Variants in C21orf58 observed in about 807,000 individuals in gnomAD.
C21orf58 encodes uncharacterized protein C21orf58.
C21orf58 carries 34 observed loss-of-function variants against 35.8 expected under a neutral mutation model. The observed-to-expected ratio is 0.95, with a 90% CI of 0.72 to 1.26. The LOEUF is 1.26. C21orf58 is among the 50% of genes most tolerant of loss of function. The pLI, the probability that C21orf58 is intolerant of heterozygous loss-of-function variation, is 0.00. For synonymous variants in C21orf58, 191 were observed against 175.8 expected (o/e 1.09, Z -0.68); for missense variants, 440 against 414.3 (o/e 1.06, Z -0.54).
chr21:46,310,436 G>A (rs545453059), intron 6 of C21orf58, among the ~76,000 whole-genome samples: 93 of 151,104 alleles, frequency 6.2e-4, no homozygotes, highest in African/African-American at 2.0e-3. Context: ...CCAAGATGGC[G>A]CCATTGCACT....
chr21:46,321,837 T>C lies in C21orf58; in HGVS notation c.100+802A>G, dbSNP rs114261804. 7.7e-3 allele frequency among the ~76,000 whole-genome samples: 1,163 copies of C among 151,870 alleles called. 15 individuals are homozygous for C. The highest frequency in any genetic ancestry group is 0.027 in the African/African-American group (1,109 of 41,408). ...GGAAGTGGCTATGTGTGGTCTACAC[T>C]TAAGGAGAGGGGAGTTACGTTTCCC... On this transcript the variant is annotated intron_variant, in intron 1 of 7. Transcript: ENST00000291691.
Position 46,323,864 on chromosome 21 carries a change from A to G in C21orf58, c.-1126T>C. ...CGCCCGCGCGGGACCAGCAGCGCGA[A>G]CTTTTTGCCGCTCGGCCAGCCTGGC... On this transcript the variant is annotated 5_prime_UTR_variant, in exon 1 of 8. Transcript: ENST00000291691. The G allele has an allele frequency of 2.7e-6, 1 of 371,804 alleles. No individual in the cohort carries two copies. The highest frequency in any genetic ancestry group is 5.1e-6 in the Non-Finnish European group (1 of 196,018). 23.0% of individuals were successfully genotyped at this position (371,804 alleles called of 1,614,324 possible).
At chr21:46,312,058 A>ACCACCCACCCATCCAT (rs1176341932) in intron 5 of C21orf58, among the ~76,000 whole-genome samples, 1 of 115,006 alleles carries the variant, frequency 8.7e-6, no homozygotes, top group African/African-American at 3.3e-5. Flanking sequence ...CAACCAACCA[A>ACCACCCACCCATCCAT]CCACCCACCC....
At position 46,318,292 on chromosome 21, in the gene C21orf58, G is replaced by C. The variant is rs144398671; in HGVS notation, c.101-72C>G. On this transcript the variant is annotated intron_variant, in intron 1 of 7. Transcript: ENST00000291691. ...GGACTGCAGTGCCCCAGAAGCCAGCGCTGGGCGCCGCGTGACAGTTGCCAG... is the reference window on the plus strand; with the variant it reads ...GGACTGCAGTGCCCCAGAAGCCAGCCCTGGGCGCCGCGTGACAGTTGCCAG... The C allele has an allele frequency of 1.9e-6, 3 of 1,581,812 alleles. No individual in the cohort carries two copies. The African/African-American group carries it at 4.0e-5, about 21-fold the overall frequency.
Position 46,318,058 on chromosome 21 carries a change from G to C in C21orf58, c.263C>G (p.Ser88Ter). The change falls in exon 2 of 8, where the codon TCA becomes TGA. Residue 88 changes from serine (S) to a stop codon, truncating the protein, a stop_gained. Transcript: ENST00000291691. LOFTEE classifies it high-confidence loss of function. ...SPAAPTMLDSSAAEQVTRLTL... is the reference protein window; with the variant it reads ...SPAAPTMLDS Reference sequence around the variant, plus strand: ...CAGTCGGGTCACTTGCTCTGCTGCTGATGAGTCCAGCATGGTGGGAGCTGC... The same window carrying C: ...CAGTCGGGTCACTTGCTCTGCTGCTCATGAGTCCAGCATGGTGGGAGCTGC... The C allele has an allele frequency of 6.2e-7, 1 of 1,613,522 alleles. No homozygotes were observed. The highest frequency in any genetic ancestry group is 8.5e-7 in the Non-Finnish European group (1 of 1,180,020).
intron 6 of C21orf58, among the ~76,000 whole-genome samples, chr21:46,303,791 G>T (rs1189981300): frequency 8.2e-6 from 1 of 121,900 alleles, no homozygotes; most frequent in Non-Finnish European, 1.6e-5. Context: ...TTGCTCTGTC[G>T]CCGAGGCTGG....
chr21:46,304,408 G>C (rs1441476630), intron 6 of C21orf58, among the ~76,000 whole-genome samples: 1 of 151,562 alleles, frequency 6.6e-6, no homozygotes, highest in South Asian at 2.1e-4. Context: ...GAGTGCTTGA[G>C]CCCAGAAGTT....
intron 6 of C21orf58, among the ~76,000 whole-genome samples, chr21:46,305,324 A>T (rs1489781495): frequency 4.0e-5 from 6 of 148,548 alleles, no homozygotes; most frequent in Non-Finnish European, 8.9e-5. Flanking sequence ...ATCACAAATT[A>T]ATCTTTTTTT....
At chr21:46,318,901 T>TA (rs2083070555) in intron 1 of C21orf58, 1 of 974,192 alleles carries the variant, frequency 1.0e-6, no homozygotes, top group African/African-American at 1.8e-5. Context: ...GTTGATGAGT[T>TA]AGTCAATCCC....
chr21:46,304,831 T>C (rs1257072855), intron 6 of C21orf58, among the ~76,000 whole-genome samples: 2 of 152,126 alleles, frequency 1.3e-5, no homozygotes, highest in African/African-American at 4.8e-5. Flanking sequence ...TGTACATCAG[T>C]AGATAGATAA....
intron 2 of C21orf58, 87 bp from the exon 3 acceptor site, chr21:46,317,355 G>A (rs1314094799): frequency 5.8e-6 from 9 of 1,549,936 alleles, no homozygotes; most frequent in African/African-American, 1.4e-5. Context: ...CTTTCTGAGT[G>A]AAAAGAATGG....
intron 5 of C21orf58, 69 bp downstream of exon 5, chr21:46,314,647 C>T: frequency 1.6e-6 from 2 of 1,240,290 alleles, no homozygotes; most frequent in Non-Finnish European, 2.2e-6. Flanking sequence ...CGCCTCCTGC[C>T]TTCTGTAAAA....
At chr21:46,311,593 T>C (rs761252517) in intron 5 of C21orf58, 26 bp from the exon 6 acceptor site, 13 of 1,404,802 alleles carry the variant, frequency 9.3e-6, no homozygotes, top group South Asian at 1.2e-5. Context: ...TGATTAGCTA[T>C]CTGCATATGT....
chr21:46,314,988 C>G lies in C21orf58; in HGVS notation c.445-108G>C, dbSNP rs551703248. 268 of 1,550,072 alleles carry G rather than the reference C, an allele frequency of 1.7e-4. No homozygotes were observed. In the African/African-American group the frequency reaches 3.3e-3, roughly 19 times the overall value. ...CAGCCTGGGCCAGGTACAGGCGCCT[C>G]TCCGGGCAGGATGGCCATGACTGGA... On this transcript the variant is annotated intron_variant, in intron 4 of 7. Transcript: ENST00000291691.
At chr21:46,300,920 A>C, downstream of C21orf58, 1 of 851,204 alleles carries the variant, frequency 1.2e-6, no homozygotes, top group Non-Finnish European at 1.6e-6. Context: ...GAAATAGTCA[A>C]GGTAGCCTGT....
chr21:46,301,761 T>C lies in C21orf58; in HGVS notation c.*238A>G. 8.2e-7 allele frequency: 1 copy of C among 1,225,364 alleles called. No individual in the cohort carries two copies. The highest frequency in any genetic ancestry group is 3.2e-5 in the East Asian group (1 of 30,922). The allele number at this position is 1,225,364 out of a possible 1,614,324, so 75.9% of individuals were successfully genotyped here. A position where few individuals can be genotyped will look rare whatever the true frequency, so the allele number is the denominator to read the frequency against. ...GGGAGGGGCTGTTGCCCTGGTGGGGTTCACAGGCCCCTCACTGCAGGGGAC... is the reference window on the plus strand; with the variant it reads ...GGGAGGGGCTGTTGCCCTGGTGGGGCTCACAGGCCCCTCACTGCAGGGGAC... On this transcript the variant is annotated 3_prime_UTR_variant, in exon 8 of 8. Coordinates refer to ENST00000291691, the MANE Select transcript of C21orf58 (RefSeq NM_058180.5).
chr21:46,322,033 A>G (rs1404075068), intron 1 of C21orf58, among the ~76,000 whole-genome samples: 1 of 150,942 alleles, frequency 6.6e-6, no homozygotes, highest in African/African-American at 2.4e-5. Context: ...TCATGCCTGT[A>G]ACTCCAGCAC....
At chr21:46,313,921 T>G (rs1294930084) in intron 5 of C21orf58, among the ~76,000 whole-genome samples, 1 of 152,146 alleles carries the variant, frequency 6.6e-6, no homozygotes, top group Non-Finnish European at 1.5e-5. Context: ...CACCAAAGCC[T>G]TGACCTCCGG....
At chr21:46,309,461 CA>C (rs1231165345) in intron 6 of C21orf58, among the ~76,000 whole-genome samples, 9,219 of 90,188 alleles carry the variant, frequency 0.1, 338 homozygotes, top group Middle Eastern at 0.14. Context: ...GACTCCGTCT[CA>C]AAAAAAAAAA....
Sources: gnomAD v4.1 joint callset for allele counts (sites outside exome capture counted in the v4.1 genomes callset) on GRCh38, gnomAD v4.1.1 for gene constraint, MANE v1.5 for transcripts, NCBI Gene and HGNC (gene_info 2026-07-23, HGNC 2026-07-21) for gene names.